The following FAM135B variants were observed in gnomAD, a reference collection of about 807,000 sequenced individuals.
FAM135B encodes the protein protein FAM135B.
A neutral mutation model predicts 127.7 loss-of-function variants in FAM135B; 43 were observed. The observed-to-expected ratio is 0.34, with a 90% confidence interval of 0.26 to 0.43. The LOEUF is 0.43. FAM135B is among the 20% of genes least tolerant of loss of function. FAM135B has a pLI of 1.00. For synonymous variants in FAM135B, 670 were observed against 665.1 expected (o/e 1.01, Z -0.11); for missense variants, 1,558 against 1,725.6 (o/e 0.90, Z 1.72).
chr8:138,278,852 G>T (rs1036514659), intron 3 of FAM135B, among the ~76,000 whole-genome samples: 1 of 152,070 alleles, frequency 6.6e-6, no homozygotes, highest in Non-Finnish European at 1.5e-5. Flanking sequence ...CAGGGTTGTT[G>T]TGAGTATCAA....
At chr8:138,367,512 G>T (rs535734421) in intron 2 of FAM135B, 10 of 451,410 alleles carry the variant, frequency 2.2e-5, no homozygotes, top group African/African-American at 4.0e-5. Context: ...GTTACAATAC[G>T]TGGTTTTGAA....
At chr8:138,251,061 CT>C (rs1257619206) in intron 5 of FAM135B, 47 bp from the exon 6 acceptor site, 1 of 1,605,014 alleles carries the variant, frequency 6.2e-7, no homozygotes, top group African/African-American at 1.3e-5. Flanking sequence ...TGGGTTGCCC[CT>C]GCTGTCCTCC....
At chr8:138,483,494 G>A (rs1015815865) in intron 1 of FAM135B, among the ~76,000 whole-genome samples, 2 of 152,336 alleles carry the variant, frequency 1.3e-5, no homozygotes, top group Non-Finnish European at 2.9e-5. Flanking sequence ...GGCAACTGAG[G>A]TGAATCTGAA....
At chr8:138,174,492 C>T (rs1814242876) in intron 11 of FAM135B, among the ~76,000 whole-genome samples, 1 of 152,190 alleles carries the variant, frequency 6.6e-6, no homozygotes, top group Admixed American at 6.5e-5. Flanking sequence ...TACCTTTTCT[C>T]TAGCAATCTT....
At chr8:138,335,898 C>T (rs999834720) in intron 2 of FAM135B, among the ~76,000 whole-genome samples, 1 of 152,186 alleles carries the variant, frequency 6.6e-6, no homozygotes, top group African/African-American at 2.4e-5. Context: ...GAAATTATCA[C>T]AAACTGTCTC....
intron 2 of FAM135B, among the ~76,000 whole-genome samples, chr8:138,344,457 A>G (rs115020881): frequency 0.013 from 2,040 of 151,322 alleles, 36 homozygotes; most frequent in African/African-American, 0.047. Context: ...TTTTCCTCCC[A>G]CCTGCGCTTG....
In FAM135B at chr8:138,281,124, A is replaced by G. The variant is rs566504342; in HGVS notation, c.158-15282T>C. Among the ~76,000 whole-genome samples, 358 of 152,308 alleles carry G rather than the reference A, an allele frequency of 2.4e-3. 1 individual carries two copies. Among genetic ancestry groups the G allele is most frequent in the Non-Finnish European group, 4.0e-3 (273 of 68,014 alleles). ...GAAAAAAAACAGGCTGAAGGCTGTAAAATAGGCAGATTGCTCAAGTTGATT... is the reference window on the plus strand; with the variant it reads ...GAAAAAAAACAGGCTGAAGGCTGTAGAATAGGCAGATTGCTCAAGTTGATT... On this transcript the variant is annotated intron_variant, in intron 3 of 19. Coordinates refer to ENST00000395297, the MANE Select transcript of FAM135B (RefSeq NM_015912.4).
At chr8:138,212,405 T>C (rs1353430902) in intron 7 of FAM135B, among the ~76,000 whole-genome samples, 1 of 152,170 alleles carries the variant, frequency 6.6e-6, no homozygotes, top group Non-Finnish European at 1.5e-5. Context: ...CTGAAGAGAC[T>C]GAGGCACAAA....
rs1038909546 is a variant in FAM135B at position 138,243,811 on chromosome 8, T to C, written c.543-743A>G. Among the ~76,000 whole-genome samples, 20 of 152,358 alleles carry C rather than the reference T, an allele frequency of 1.3e-4. 1 individual carries two copies. The highest frequency in any genetic ancestry group is 5.2e-4 in the Admixed American group (8 of 15,300). ...TTTTCATCAATTGATATACCAGTAATGTTCACTTATACTCATATTCTTTTT... is the reference window on the plus strand; with the variant it reads ...TTTTCATCAATTGATATACCAGTAACGTTCACTTATACTCATATTCTTTTT... On this transcript the variant is annotated intron_variant, in intron 6 of 19. Coordinates refer to ENST00000395297, the MANE Select transcript of FAM135B (RefSeq NM_015912.4). The surrounding 1 kb of genome is among the most constrained non-coding windows in gnomAD (Gnocchi z 7.5).
intron 1 of FAM135B, among the ~76,000 whole-genome samples, chr8:138,481,396 C>T (rs114877601): frequency 0.014 from 2,084 of 152,300 alleles, 47 homozygotes; most frequent in African/African-American, 0.047. Context: ...GAAACTGGAA[C>T]AGGATTTTTT....
chr8:138,308,161 G>A (rs1826401366), intron 3 of FAM135B, among the ~76,000 whole-genome samples: 1 of 150,974 alleles, frequency 6.6e-6, no homozygotes, highest in African/African-American at 2.4e-5. Context: ...TTCTCTCTGA[G>A]GAACTCAGCT....
chr8:138,208,836 A>G (rs1250777418), intron 7 of FAM135B, among the ~76,000 whole-genome samples: 1 of 152,224 alleles, frequency 6.6e-6, no homozygotes, highest in African/African-American at 2.4e-5. Context: ...AAATTAGTCA[A>G]TTCTTATATT....
At chr8:138,358,910 T>A (rs967005613) in intron 2 of FAM135B, among the ~76,000 whole-genome samples, 29 of 152,066 alleles carry the variant, frequency 1.9e-4, no homozygotes, top group African/African-American at 6.8e-4. Context: ...CAGGTCAATG[T>A]CCGGTCCCCT....
intron 7 of FAM135B, among the ~76,000 whole-genome samples, chr8:138,223,567 C>G (rs1034005586): frequency 2.6e-5 from 4 of 152,108 alleles, no homozygotes; most frequent in Non-Finnish European, 4.4e-5. Context: ...TAGGAAGCAG[C>G]CTACAAACAA....
intron 9 of FAM135B, among the ~76,000 whole-genome samples, chr8:138,189,392 G>A (rs914715988): frequency 5.3e-5 from 8 of 152,186 alleles, no homozygotes; most frequent in African/African-American, 1.7e-4. Flanking sequence ...TTTCCTGGAT[G>A]CCAAACAAGA....
chr8:138,187,658 A>G (rs1304257964), intron 9 of FAM135B, among the ~76,000 whole-genome samples: 1 of 152,254 alleles, frequency 6.6e-6, no homozygotes, highest in East Asian at 1.9e-4. Context: ...TTTCTGTCAC[A>G]GAGCTTCTAT....
At chr8:138,428,879 C>T (rs1247654351) in intron 1 of FAM135B, among the ~76,000 whole-genome samples, 1 of 152,184 alleles carries the variant, frequency 6.6e-6, no homozygotes, top group Non-Finnish European at 1.5e-5. Context: ...TCTGGGGAGT[C>T]TTATCAGATC....
intron 3 of FAM135B, among the ~76,000 whole-genome samples, chr8:138,304,096 AAG>A (rs1826070125): frequency 6.6e-6 from 1 of 152,188 alleles, no homozygotes; most frequent in Non-Finnish European, 1.5e-5. Flanking sequence ...AGGGTAGGGA[AAG>A]AGAGGAAGAC....
chr8:138,362,399 G>T (rs1276527055), intron 2 of FAM135B, among the ~76,000 whole-genome samples: 3 of 151,170 alleles, frequency 2.0e-5, no homozygotes, highest in Non-Finnish European at 2.9e-5. Flanking sequence ...GCACATGCGA[G>T]TCTTCACTGA....
Sources: allele counts gnomAD v4.1 joint callset (sites outside exome capture counted in the v4.1 genomes callset), GRCh38; gene constraint gnomAD v4.1.1; non-coding constraint Gnocchi (gnomAD v3.1); transcripts MANE v1.5; gene names NCBI Gene and HGNC (gene_info 2026-07-23, HGNC 2026-07-21).